The following CAMK2A variants were observed in gnomAD, a reference collection of about 807,000 sequenced individuals.
CAMK2A encodes the protein calcium/calmodulin-dependent protein kinase type II subunit alpha.
A neutral mutation model predicts 79.2 loss-of-function variants in CAMK2A; 7 were observed. That is an observed-to-expected ratio of 0.09 (90% CI 0.05 to 0.17). The LOEUF (loss-of-function observed/expected upper bound fraction) is 0.17. Ranked by LOEUF, CAMK2A falls within the 10% of genes least tolerant of loss-of-function variation. The probability of loss-of-function intolerance (pLI) is 1.00; values close to 1 mark genes in which losing one functional copy is unlikely to be tolerated. For synonymous variants in CAMK2A, 242 were observed against 251.7 expected (o/e 0.96, Z 0.36); for missense variants, 214 against 646.4 (o/e 0.33, Z 7.25).
In CAMK2A at chr5:150,241,876, C is replaced by T. The variant is rs187685528; in HGVS notation, c.985-2140G>A. Among the ~76,000 whole-genome samples the T allele has an allele frequency of 4.6e-5, 7 of 152,234 alleles. No individual in the cohort carries two copies. In the East Asian group the frequency reaches 1.2e-3, roughly 25 times the overall value. On this transcript the variant is annotated intron_variant, in intron 13 of 18. Transcript: ENST00000671881. ...GGTTGTCCTCCCTCCCTGGCTGGAG[C>T]CAGGCCAGGCACAGAATGGGGAAGG...
chr5:150,271,621 C>A (rs1562192096), intron 2 of CAMK2A, among the ~76,000 whole-genome samples: 1 of 152,182 alleles, frequency 6.6e-6, no homozygotes, highest in Non-Finnish European at 1.5e-5. Flanking sequence ...ATTGTACAGC[C>A]CATACCTGCA....
At chr5:150,287,562 C>G (rs1757476027) in intron 1 of CAMK2A, among the ~76,000 whole-genome samples, 1 of 152,156 alleles carries the variant, frequency 6.6e-6, no homozygotes, top group African/African-American at 2.4e-5. Context: ...TTAATGATAT[C>G]CATCTCCTCT....
intron 11 of CAMK2A, 131 bp downstream of exon 11, chr5:150,250,095 G>GGA: frequency 1.5e-6 from 1 of 680,440 alleles, no homozygotes; most frequent in South Asian, 1.7e-5. Flanking sequence ...TGTCCAGTAT[G>GGA]CAGTAGGTGT....
In CAMK2A at chr5:150,256,754, C is replaced by T. The variant is rs1756076935; in HGVS notation, c.338+12G>A. 11 of 1,613,434 alleles carry T rather than the reference C, an allele frequency of 6.8e-6. No individual in the cohort carries two copies. The highest frequency in any genetic ancestry group is 9.3e-6 in the Non-Finnish European group (11 of 1,179,404). On this transcript the variant is annotated intron_variant, in intron 5 of 18. Transcript: ENST00000671881. This position sits in a 1 kb window ranked among gnomAD's most constrained non-coding sequence, Gnocchi z 4.6. ...CCCCGGGTGCCATTGCCAGGCAGCA[C>T]CTGACACTCACCTGGCATCCGCCTC...
rs938553797 is a variant in CAMK2A, at chr5:150,250,697, G to A, written c.807C>T (p.Pro269=). ...GCTGAGGAAGGCTCACCGAGATCCA[G>A]GGGTGCTTAAGGGCTTCGGCAGCTG... is the stretch of plus-strand genomic sequence containing the variant. ...RITAAEALKH[P]WISHRSTVAS... is the part of the protein sequence containing the mutation. Residue 269 remains proline (P), a synonymous_variant, in exon 10 of 19, where the codon CCC becomes CCT. Coordinates refer to ENST00000671881, the MANE Select transcript of CAMK2A (RefSeq NM_015981.4). The A allele has an allele frequency of 1.9e-6, 3 of 1,614,038 alleles. No individual in the cohort carries two copies. The highest frequency in any genetic ancestry group is 2.7e-5 in the African/African-American group (2 of 74,924).
At chr5:150,250,652 G>A in intron 10 of CAMK2A, 36 bp downstream of exon 10, 1 of 1,612,678 alleles carries the variant, frequency 6.2e-7, no homozygotes, top group Non-Finnish European at 8.5e-7. Context: ...AGGTCTGGAG[G>A]GGCTCCTGGG....
At chr5:150,252,183 C>A in intron 7 of CAMK2A, 118 bp from the exon 8 acceptor site, 4 of 766,644 alleles carry the variant, frequency 5.2e-6, no homozygotes. Context: ...GGAAAACAGC[C>A]CCTGCCCCTC....
At chr5:150,250,943 T>TCCTCC in intron 9 of CAMK2A, 133 bp from the exon 10 acceptor site, 4 of 1,005,762 alleles carry the variant, frequency 4.0e-6, no homozygotes, top group Non-Finnish European at 5.9e-6. Context: ...CCAGGAGGAG[T>TCCTCC]TGGGGCTCCT....
intron 3 of CAMK2A, among the ~76,000 whole-genome samples, chr5:150,259,230 A>G (rs1759160523): frequency 6.6e-6 from 1 of 151,474 alleles, no homozygotes; most frequent in African/African-American, 2.4e-5. Context: ...AAAATAAAAT[A>G]AAAATTTAGG....
At chr5:150,234,655 T>C (rs2114032329) in intron 15 of CAMK2A, among the ~76,000 whole-genome samples, 1 of 152,206 alleles carries the variant, frequency 6.6e-6, no homozygotes, top group African/African-American at 2.4e-5. Context: ...GTGGTTATTA[T>C]CATCTGGGAA....
intron 15 of CAMK2A, among the ~76,000 whole-genome samples, chr5:150,232,353 A>G (rs191668531): frequency 2.4e-3 from 362 of 152,340 alleles, no homozygotes; most frequent in African/African-American, 8.3e-3. Context: ...TAGTGGGTGC[A>G]CCTCATAAGT....
rs1248815009 is a variant in CAMK2A, at chr5:150,256,736, T to C, written c.338+30A>G. The C allele has an allele frequency of 6.2e-7, 1 of 1,610,852 alleles. No individual in the cohort carries two copies. Among genetic ancestry groups the C allele is most frequent in the Non-Finnish European group, 8.5e-7 (1 of 1,177,204 alleles). On this transcript the variant is annotated intron_variant, in intron 5 of 18. Transcript: ENST00000671881. The surrounding 1 kb of genome is among the most constrained non-coding windows in gnomAD (Gnocchi z 4.6). ...CAGGCAAGAGTGCCCTGTCCCCGGG[T>C]GCCATTGCCAGGCAGCACCTGACAC...
At chr5:150,282,584 C>A (rs958810244) in intron 1 of CAMK2A, among the ~76,000 whole-genome samples, 4 of 152,204 alleles carry the variant, frequency 2.6e-5, no homozygotes, top group Non-Finnish European at 4.4e-5. Context: ...CTGGAGTGGA[C>A]AGACACTGGA....
In CAMK2A at chr5:150,256,092, G is replaced by T. The variant is rs1756045927; in HGVS notation, c.411+481C>A. Among the ~76,000 whole-genome samples the T allele has an allele frequency of 6.6e-6, 1 of 152,192 alleles. No individual in the cohort carries two copies. The highest frequency in any genetic ancestry group is 6.5e-5 in the Admixed American group (1 of 15,286). The stretch of plus-strand genomic sequence containing the variant: ...TCTTCTCCCCTGGCCTGCCAGAGAT[G>T]CAGGAACAAGACTAAGAATGCATCT... On this transcript the variant is annotated intron_variant, in intron 6 of 18. Transcript: ENST00000671881. This position sits in a 1 kb window ranked among gnomAD's most constrained non-coding sequence, Gnocchi z 4.6.
chr5:150,285,516 G>A lies in CAMK2A; in HGVS notation c.62+4048C>T, dbSNP rs144270456. Among the ~76,000 whole-genome samples the A allele has an allele frequency of 1.8e-4, 27 of 152,290 alleles. 1 individual carries two copies. In the East Asian group the frequency reaches 5.2e-3, roughly 29 times the overall value. On this transcript the variant is annotated intron_variant, in intron 1 of 18. Coordinates refer to ENST00000671881, the MANE Select transcript of CAMK2A (RefSeq NM_015981.4). ...AGATGTTAGAGTTTGGGTCCCATGAGAGGACTTGAGCACCCAGGCCCCAGG... is the reference window on the plus strand; with the variant it reads ...AGATGTTAGAGTTTGGGTCCCATGAAAGGACTTGAGCACCCAGGCCCCAGG...
intron 3 of CAMK2A, among the ~76,000 whole-genome samples, chr5:150,258,589 G>A (rs1176572861): frequency 6.6e-6 from 1 of 152,188 alleles, no homozygotes; most frequent in Non-Finnish European, 1.5e-5. Flanking sequence ...TTTATATATG[G>A]CATAAGTCTC....
chr5:150,245,079 C>A (rs1755504944), intron 13 of CAMK2A, 82 bp downstream of exon 13: 8 of 1,422,808 alleles, frequency 5.6e-6, no homozygotes, highest in Non-Finnish European at 7.9e-6. Flanking sequence ...AGGCCCGGGT[C>A]TTGCTCCAGG....
At chr5:150,249,880 T>C (rs1755752963) in intron 11 of CAMK2A, among the ~76,000 whole-genome samples, 2 of 152,194 alleles carry the variant, frequency 1.3e-5, no homozygotes, top group African/African-American at 2.4e-5. Context: ...ACTTGGCTAA[T>C]ACCTGCTTAT....
Position 150,257,589 on chromosome 5 carries a change from C to A in CAMK2A, c.246G>T (p.Glu82Asp). The change falls in exon 4 of 19, where the codon GAG becomes GAT. Residue 82 changes from glutamate (E) to aspartate (D), a missense_variant. Around this residue, in one of 4 missense-constraint regions of CAMK2A, gnomAD observed 72 missense variants for 333.9 expected, o/e 0.22. Coordinates refer to ENST00000671881, the MANE Select transcript of CAMK2A (RefSeq NM_015981.4). Reference protein sequence around the residue: ...IVRLHDSISEEGHHYLIFDLV... With the variant: ...IVRLHDSISEDGHHYLIFDLV... ...GGTCGAAGATCAGGTAGTGGTGTCC[C>A]TCCTCTGAGATGCTGTCATGTAGTC... 6.4e-7 allele frequency: 1 copy of A among 1,570,930 alleles called. No homozygotes were observed. Among genetic ancestry groups the A allele is most frequent in the East Asian group, 2.4e-5 (1 of 42,116 alleles).
Sources: gnomAD v4.1 joint callset for allele counts (sites outside exome capture counted in the v4.1 genomes callset) on GRCh38, gnomAD v4.1.1 for gene constraint, gnomAD v4.1.1 regional missense constraint, Gnocchi (gnomAD v3.1) non-coding constraint, MANE v1.5 for transcripts, NCBI Gene and HGNC (gene_info 2026-07-23, HGNC 2026-07-21) for gene names.